The following TMEM232 variants were observed in gnomAD, a reference collection of about 807,000 sequenced individuals.
TMEM232 encodes transmembrane protein 232.
In TMEM232, 80 loss-of-function variants were observed where a neutral mutation model predicts 78.8. The observed-to-expected ratio is 1.01, with a 90% CI of 0.85 to 1.22. The LOEUF (loss-of-function observed/expected upper bound fraction) is 1.22, where lower values mean the gene tolerates loss of function less well. Among genes scored for constraint, TMEM232 ranks in the 50% most tolerant of loss-of-function variants. TMEM232 has a pLI of 0.00. For synonymous variants in TMEM232, 297 were observed against 254.3 expected (o/e 1.17, Z -1.60); for missense variants, 881 against 742.2 (o/e 1.19, Z -2.17).
intron 12 of TMEM232, among the ~76,000 whole-genome samples, chr5:110,515,524 T>G (rs1768483976): frequency 6.6e-6 from 1 of 152,176 alleles, no homozygotes; most frequent in Non-Finnish European, 1.5e-5. Context: ...AGAGTAGCAG[T>G]CAGGCACTAT....
chr5:110,730,909 T>C (rs1292125660), upstream of TMEM232, among the ~76,000 whole-genome samples: 3 of 152,154 alleles, frequency 2.0e-5, no homozygotes, highest in African/African-American at 7.2e-5. Flanking sequence ...CCTAAAGTCT[T>C]AACTCATTTC....
intron 11 of TMEM232, among the ~76,000 whole-genome samples, chr5:110,541,023 C>T (rs543004523): frequency 1.3e-5 from 2 of 152,228 alleles, no homozygotes; most frequent in African/African-American, 4.8e-5. Flanking sequence ...AGGGTGCAAT[C>T]CCAACAGGAA....
intron 1 of TMEM232, among the ~76,000 whole-genome samples, chr5:110,672,577 G>C (rs1441276573): frequency 1.3e-5 from 2 of 151,960 alleles, no homozygotes; most frequent in East Asian, 3.9e-4. Flanking sequence ...AAAAGAAAAA[G>C]AAAATTAATG....
intron 11 of TMEM232, among the ~76,000 whole-genome samples, chr5:110,538,914 C>T (rs994015083): frequency 1.3e-4 from 20 of 152,114 alleles, no homozygotes; most frequent in African/African-American, 2.7e-4. Context: ...GAAGGAAAGC[C>T]GCAAACAAGA....
chr5:110,621,773 T>G (rs1259369220), intron 7 of TMEM232, among the ~76,000 whole-genome samples: 1 of 152,014 alleles, frequency 6.6e-6, no homozygotes, highest in Non-Finnish European at 1.5e-5. Context: ...TTATAACCAC[T>G]TCCCACAGTT....
intron 1 of TMEM232, among the ~76,000 whole-genome samples, chr5:110,676,103 T>C (rs528418216): frequency 6.6e-6 from 1 of 152,352 alleles, no homozygotes; most frequent in South Asian, 2.1e-4. Context: ...CAGAATTTCC[T>C]TATTTTTAAA....
At chr5:110,493,256 A>G (rs1488239529) in intron 12 of TMEM232, among the ~76,000 whole-genome samples, 6 of 151,872 alleles carry the variant, frequency 4.0e-5, no homozygotes, top group Admixed American at 3.9e-4. Context: ...AAAGGAGAAA[A>G]TTTTCCAAAA....
At chr5:110,422,649 G>A (rs547521596) in intron 13 of TMEM232, among the ~76,000 whole-genome samples, 25 of 150,452 alleles carry the variant, frequency 1.7e-4, no homozygotes, top group African/African-American at 5.6e-4. Flanking sequence ...ACATATAAAA[G>A]CAGCCAAGAA....
intron 12 of TMEM232, among the ~76,000 whole-genome samples, chr5:110,497,392 C>T (rs1333622452): frequency 6.6e-6 from 1 of 152,002 alleles, no homozygotes; most frequent in East Asian, 1.9e-4. Flanking sequence ...ATACAGATAA[C>T]AGGATTTGGG....
chr5:110,401,411 C>T (rs561178000), intron 2 of TMEM232, among the ~76,000 whole-genome samples: 11 of 151,928 alleles, frequency 7.2e-5, no homozygotes, highest in South Asian at 2.1e-4. Flanking sequence ...AAGCCAGGTA[C>T]GACATGCCTC....
At chr5:110,666,644 T>A (rs1790627917) in intron 2 of TMEM232, 1 of 152,156 alleles carries the variant, frequency 6.6e-6, no homozygotes, top group Non-Finnish European at 1.5e-5. Flanking sequence ...TTCAGTTTTT[T>A]AATGATATAT....
chr5:110,390,026 C>T (rs1027167767), intron 4 of TMEM232, among the ~76,000 whole-genome samples: 2 of 152,172 alleles, frequency 1.3e-5, no homozygotes, highest in East Asian at 3.9e-4. Flanking sequence ...GAGAGAAGGA[C>T]TGAATTCTGC....
intron 12 of TMEM232, among the ~76,000 whole-genome samples, chr5:110,483,224 A>C (rs921249533): frequency 1.3e-5 from 2 of 152,180 alleles, no homozygotes; most frequent in African/African-American, 4.8e-5. Flanking sequence ...TGTTGAAATT[A>C]AATTGGTATC....
At chr5:110,637,208 G>GA (rs886601879) in intron 5 of TMEM232, among the ~76,000 whole-genome samples, 14 of 150,198 alleles carry the variant, frequency 9.3e-5, no homozygotes, top group African/African-American at 2.9e-4. Flanking sequence ...TACAGAAAAA[G>GA]AAAAAAAATC....
intron 10 of TMEM232, among the ~76,000 whole-genome samples, chr5:110,592,265 G>T (rs1580280365): frequency 6.6e-6 from 1 of 152,124 alleles, no homozygotes; most frequent in East Asian, 1.9e-4. Flanking sequence ...TGACAGAGAT[G>T]AAGAAAATTG....
At chr5:110,615,258 G>A (rs1379779677) in intron 8 of TMEM232, among the ~76,000 whole-genome samples, 1 of 151,862 alleles carries the variant, frequency 6.6e-6, no homozygotes, top group Non-Finnish European at 1.5e-5. Flanking sequence ...TGATTCTGAG[G>A]GACTTAGAAT....
At chr5:110,565,196 A>G (rs1433144804) in intron 11 of TMEM232, among the ~76,000 whole-genome samples, 1 of 151,972 alleles carries the variant, frequency 6.6e-6, no homozygotes, top group African/African-American at 2.4e-5. Flanking sequence ...CTCTAGGGAT[A>G]TTGAGAAGTA....
At chr5:110,649,389 A>AT (rs1247740795) in intron 2 of TMEM232, among the ~76,000 whole-genome samples, 3 of 152,144 alleles carry the variant, frequency 2.0e-5, no homozygotes, top group African/African-American at 7.2e-5. Context: ...ATAATAATTC[A>AT]TTAATCATTA....
chr5:110,625,615 TA>T, intron 6 of TMEM232, 182 bp from the exon 7 acceptor site: 1 of 398,498 alleles, frequency 2.5e-6, no homozygotes, highest in Non-Finnish European at 4.3e-6. Flanking sequence ...TACTAGACGG[TA>T]AATAATTTAT....
Sources: gnomAD v4.1 joint callset for allele counts (sites outside exome capture counted in the v4.1 genomes callset) on GRCh38, gnomAD v4.1.1 for gene constraint, MANE v1.5 for transcripts, NCBI Gene and HGNC (gene_info 2026-07-23, HGNC 2026-07-21) for gene names.